The following PTPRD variants were observed in gnomAD, a reference collection of about 807,000 sequenced individuals.
PTPRD encodes the protein receptor-type tyrosine-protein phosphatase delta.
In PTPRD, 34 loss-of-function variants were observed where a neutral mutation model predicts 214.5. The ratio of observed to expected loss-of-function variants is 0.16; its 90% confidence interval spans 0.12 to 0.21. PTPRD has a LOEUF of 0.21. Ranked by LOEUF, PTPRD falls within the 10% of genes least tolerant of loss-of-function variation. The probability of loss-of-function intolerance (pLI) is 1.00; values close to 1 mark genes in which losing one functional copy is unlikely to be tolerated. For synonymous variants in PTPRD, 1,128 were observed against 845.7 expected (o/e 1.33, Z -5.79); for missense variants, 2,545 against 2,398.7 (o/e 1.06, Z -1.27).
intron 35 of PTPRD, among the ~76,000 whole-genome samples, chr9:8,432,951 G>C (rs2095151172): frequency 6.6e-6 from 1 of 152,226 alleles, no homozygotes; most frequent in Non-Finnish European, 1.5e-5. Context: ...TTTTCAAGAA[G>C]CACTTCTGAT....
chr9:9,551,171 A>G (rs911968420), intron 8 of PTPRD, among the ~76,000 whole-genome samples: 5 of 152,090 alleles, frequency 3.3e-5, no homozygotes, highest in Non-Finnish European at 7.4e-5. Context: ...GAGCTGGGGT[A>G]GTATGGAGGG....
chr9:9,623,496 A>C (rs2095317122), intron 7 of PTPRD, among the ~76,000 whole-genome samples: 1 of 152,218 alleles, frequency 6.6e-6, no homozygotes, highest in Non-Finnish European at 1.5e-5. Flanking sequence ...CTGACGGCTG[A>C]ACCATTGAAT....
chr9:10,277,750 G>T (rs2154387435), intron 3 of PTPRD, among the ~76,000 whole-genome samples: 1 of 152,136 alleles, frequency 6.6e-6, no homozygotes, highest in African/African-American at 2.4e-5. Flanking sequence ...TACCTCAAGT[G>T]TCAAAGAATC....
chr9:8,787,384 C>A (rs2096028058), intron 11 of PTPRD, among the ~76,000 whole-genome samples: 1 of 152,148 alleles, frequency 6.6e-6, no homozygotes, highest in South Asian at 2.1e-4. Flanking sequence ...ACCCCTTAAA[C>A]ATCCCTCATT....
chr9:8,842,165 C>T (rs1164254907), intron 11 of PTPRD, among the ~76,000 whole-genome samples: 2 of 151,830 alleles, frequency 1.3e-5, no homozygotes, highest in East Asian at 3.9e-4. Context: ...AATACCAGAA[C>T]CTGTGACGCT....
At chr9:8,507,744 A>G (rs1393707480) in intron 21 of PTPRD, among the ~76,000 whole-genome samples, 2 of 152,212 alleles carry the variant, frequency 1.3e-5, no homozygotes, top group Non-Finnish European at 2.9e-5. Context: ...TGTTAGTAAT[A>G]AATAATATAA....
At chr9:10,518,020 A>C (rs893137736) in intron 2 of PTPRD, among the ~76,000 whole-genome samples, 5 of 152,182 alleles carry the variant, frequency 3.3e-5, no homozygotes, top group Non-Finnish European at 7.4e-5. Context: ...TACAGGTATA[A>C]ATTCTATAAC....
intron 3 of PTPRD, among the ~76,000 whole-genome samples, chr9:10,151,090 C>G (rs1351738311): frequency 1.7e-5 from 2 of 115,158 alleles, no homozygotes; most frequent in Non-Finnish European, 3.4e-5. Flanking sequence ...AGACAAGAGT[C>G]TTGCTCTGTT....
At chr9:8,981,561 T>G (rs79594292) in intron 11 of PTPRD, among the ~76,000 whole-genome samples, 3,079 of 152,124 alleles carry the variant, frequency 0.02, 107 homozygotes, top group African/African-American at 0.069. Context: ...GTGAAAGTGG[T>G]GCAACTGTAT....
intron 9 of PTPRD, among the ~76,000 whole-genome samples, chr9:9,227,354 A>G (rs1030740830): frequency 2.0e-5 from 3 of 152,074 alleles, no homozygotes; most frequent in Non-Finnish European, 2.9e-5. Flanking sequence ...TTCTCCTCTA[A>G]TGTGAAATTA....
chr9:10,300,732 A>C (rs947401199), intron 3 of PTPRD, among the ~76,000 whole-genome samples: 1 of 152,066 alleles, frequency 6.6e-6, no homozygotes, highest in Non-Finnish European at 1.5e-5. Context: ...CTCTCTAGGC[A>C]GGGTATCTCT....
intron 20 of PTPRD, among the ~76,000 whole-genome samples, chr9:8,520,855 T>C (rs553991750): frequency 2.1e-4 from 32 of 152,302 alleles, no homozygotes; most frequent in Non-Finnish European, 3.8e-4. Context: ...TTTCAACTTT[T>C]TTTTTCTTCT....
chr9:9,701,101 AG>A (rs1487980323), intron 7 of PTPRD, among the ~76,000 whole-genome samples: 1 of 152,106 alleles, frequency 6.6e-6, no homozygotes, highest in Non-Finnish European at 1.5e-5. Context: ...AAGATATTAA[AG>A]AATGGAGAGC....
chr9:9,626,707 C>G (rs894453243), intron 7 of PTPRD, among the ~76,000 whole-genome samples: 1 of 152,168 alleles, frequency 6.6e-6, no homozygotes, highest in Non-Finnish European at 1.5e-5. Context: ...TGAAGCAAAT[C>G]TCTCTGAGGT....
intron 3 of PTPRD, among the ~76,000 whole-genome samples, chr9:10,244,255 A>T (rs760569665): frequency 1.3e-5 from 2 of 152,022 alleles, no homozygotes; most frequent in Admixed American, 1.3e-4. Context: ...TTATCTCTTC[A>T]TTGTGCTCTA....
At position 8,739,333 on chromosome 9, in the gene PTPRD, G is replaced by A. The variant is rs747661673; in HGVS notation, c.-103-5387C>T. Among the ~76,000 whole-genome samples the A allele has an allele frequency of 7.2e-5, 11 of 152,334 alleles. No homozygotes were observed. In the East Asian group the frequency reaches 9.7e-4, roughly 13 times the overall value. Reference sequence around the variant, plus strand: ...AAGGGAGCCATCTAAATATTTTAACGTGGTATAAAACAAGAATCTTCCAGT... The same window carrying A: ...AAGGGAGCCATCTAAATATTTTAACATGGTATAAAACAAGAATCTTCCAGT... On this transcript the variant is annotated intron_variant, in intron 11 of 45. Transcript: ENST00000381196.
chr9:9,049,285 T>C (rs1450675175), intron 10 of PTPRD, among the ~76,000 whole-genome samples: 3 of 152,172 alleles, frequency 2.0e-5, no homozygotes, highest in Non-Finnish European at 4.4e-5. Context: ...GTCATTTCTG[T>C]AAGGCTTAAT....
intron 11 of PTPRD, among the ~76,000 whole-genome samples, chr9:8,821,563 A>G (rs144665325): frequency 3.9e-4 from 59 of 152,286 alleles, no homozygotes; most frequent in African/African-American, 1.3e-3. Context: ...GCCAATCCCA[A>G]TGCAGTCACC....
At chr9:8,490,028 A>T (rs563151892) in intron 27 of PTPRD, among the ~76,000 whole-genome samples, 7 of 152,272 alleles carry the variant, frequency 4.6e-5, no homozygotes, top group African/African-American at 7.2e-5. Context: ...CTAATGCCTT[A>T]GGGTTATTCT....
Sources: gnomAD v4.1 joint callset for allele counts (sites outside exome capture counted in the v4.1 genomes callset) on GRCh38, gnomAD v4.1.1 for gene constraint, MANE v1.5 for transcripts, NCBI Gene and HGNC (gene_info 2026-07-23, HGNC 2026-07-21) for gene names.